The following KCNN3 variants were observed in gnomAD, a reference collection of about 807,000 sequenced individuals.
KCNN3 encodes potassium calcium-activated channel subfamily N member 3.
In KCNN3, 16 loss-of-function variants were observed where a neutral mutation model predicts 62.9. The ratio of observed to expected loss-of-function variants is 0.25; its 90% confidence interval spans 0.17 to 0.39. The LOEUF (loss-of-function observed/expected upper bound fraction) is 0.39, where lower values mean the gene tolerates loss of function less well. Among genes scored for constraint, KCNN3 ranks in the 10% least tolerant of loss-of-function variants. The pLI is 1.00. For missense variants in KCNN3, 599 were observed against 949.4 expected, an observed-to-expected ratio of 0.63 and a Z score of 4.85; for synonymous variants, 370 against 389.2, an observed-to-expected ratio of 0.95 and a Z score of 0.58.
At chr1:154,791,241 A>C (rs1355294920) in intron 2 of KCNN3, among the ~76,000 whole-genome samples, 1 of 151,764 alleles carries the variant, frequency 6.6e-6, no homozygotes, top group Admixed American at 6.6e-5. Flanking sequence ...AAAAAAAAAA[A>C]AAAAACAAGT....
intron 2 of KCNN3, among the ~76,000 whole-genome samples, chr1:154,799,484 G>A (rs1361823757): frequency 6.6e-6 from 1 of 152,182 alleles, no homozygotes; most frequent in Non-Finnish European, 1.5e-5. Flanking sequence ...TCCAAAGAGC[G>A]TAGCCAGAGT....
At chr1:154,744,379 C>T (rs913521118) in intron 3 of KCNN3, among the ~76,000 whole-genome samples, 1 of 152,182 alleles carries the variant, frequency 6.6e-6, no homozygotes, top group African/African-American at 2.4e-5. Flanking sequence ...AGCAACTAAG[C>T]GAAAAGACTG....
At chr1:154,713,396 C>A (rs751938571) in intron 7 of KCNN3, 68 bp downstream of exon 7, 1 of 1,344,176 alleles carries the variant, frequency 7.4e-7, no homozygotes, top group Non-Finnish European at 1.1e-6. Flanking sequence ...AGCCAGGACT[C>A]ACAGGTGAGC....
At chr1:154,780,081 C>T (rs535876051) in intron 2 of KCNN3, among the ~76,000 whole-genome samples, 1 of 152,196 alleles carries the variant, frequency 6.6e-6, no homozygotes, top group African/African-American at 2.4e-5. Context: ...AAGGACACTA[C>T]CCAGTGCCTC....
chr1:154,728,814 GC>G (rs1049475987), intron 4 of KCNN3, among the ~76,000 whole-genome samples: 1 of 152,130 alleles, frequency 6.6e-6, no homozygotes, highest in African/African-American at 2.4e-5. Flanking sequence ...AAAATGATGG[GC>G]TGATGGGATT....
rs1487212689 is a variant in KCNN3 at position 154,706,933 on chromosome 1, C to G, written c.*1043G>C. 1 of 152,210 alleles carries G rather than the reference C, an allele frequency of 6.6e-6. No homozygotes were observed. The highest frequency in any genetic ancestry group is 1.5e-5 in the Non-Finnish European group (1 of 68,036). 9.4% of individuals were successfully genotyped at this position (152,210 alleles called of 1,614,324 possible). ...GCACACACATGCACAATTTCTTGTC[C>G]TCTCCCTCCACACTTACAGACATAC... On this transcript the variant is annotated 3_prime_UTR_variant, in exon 8 of 8. Transcript: ENST00000271915.
At chr1:154,830,602 C>T (rs369565677) in intron 1 of KCNN3, among the ~76,000 whole-genome samples, 5 of 152,178 alleles carry the variant, frequency 3.3e-5, no homozygotes, top group East Asian at 3.8e-4. Context: ...CCAGTGGTCT[C>T]GACACAAAAC....
chr1:154,844,505 C>G (rs941931082), intron 1 of KCNN3, among the ~76,000 whole-genome samples: 91 of 152,204 alleles, frequency 6.0e-4, no homozygotes, highest in African/African-American at 2.0e-3. Flanking sequence ...GGCACTCAGA[C>G]CATGGAGTAG....
intron 1 of KCNN3, chr1:154,859,833 T>G: frequency 6.2e-7 from 1 of 1,607,806 alleles, no homozygotes; most frequent in Non-Finnish European, 8.5e-7. Context: ...TCCTTTAAGC[T>G]GACTTTCCTG....
intron 3 of KCNN3, among the ~76,000 whole-genome samples, chr1:154,752,062 C>T (rs147230254): frequency 4.6e-5 from 7 of 152,124 alleles, no homozygotes; most frequent in African/African-American, 1.2e-4. Context: ...GAAAGTCCTC[C>T]GGGTGTTAAG....
chr1:154,795,134 C>T (rs904019226), intron 2 of KCNN3, among the ~76,000 whole-genome samples: 9 of 152,180 alleles, frequency 5.9e-5, no homozygotes, highest in African/African-American at 9.7e-5. Context: ...GACATCCTAA[C>T]GTGCCCAGGA....
intron 3 of KCNN3, among the ~76,000 whole-genome samples, chr1:154,764,820 G>C (rs1406093875): frequency 6.6e-6 from 1 of 152,114 alleles, no homozygotes; most frequent in Non-Finnish European, 1.5e-5. Context: ...TTTCATGTTT[G>C]CCTGTGTGAA....
intron 5 of KCNN3, among the ~76,000 whole-genome samples, chr1:154,716,426 T>C (rs1289615598): frequency 6.6e-6 from 1 of 152,228 alleles, no homozygotes; most frequent in Non-Finnish European, 1.5e-5. Context: ...AATTAGAGAA[T>C]ATAGACCTGC....
At chr1:154,853,628 T>C (rs1652393084) in intron 1 of KCNN3, among the ~76,000 whole-genome samples, 1 of 152,194 alleles carries the variant, frequency 6.6e-6, no homozygotes, top group Admixed American at 6.5e-5. Context: ...CCACTGCACC[T>C]AGCTCTGAGC....
intron 3 of KCNN3, among the ~76,000 whole-genome samples, chr1:154,752,168 G>A (rs1396743792): frequency 6.6e-6 from 1 of 152,146 alleles, no homozygotes; most frequent in Non-Finnish European, 1.5e-5. Flanking sequence ...CAATGATGAC[G>A]ATGATGATTC....
At chr1:154,848,659 G>A (rs1462218302) in intron 1 of KCNN3, among the ~76,000 whole-genome samples, 2 of 152,144 alleles carry the variant, frequency 1.3e-5, no homozygotes, top group Non-Finnish European at 2.9e-5. Flanking sequence ...AAGAACACAG[G>A]GCACTCTCCA....
Position 154,701,463 on chromosome 1 carries a change from C to T in KCNN3, c.*6513G>A, listed in dbSNP as rs1443526040. The T allele has an allele frequency of 2.6e-5, 4 of 152,124 alleles. No individual in the cohort carries two copies. Among genetic ancestry groups the T allele is most frequent in the African/African-American group, 9.7e-5 (4 of 41,408 alleles). The allele number at this position is 152,124 out of a possible 1,614,324, so 9.4% of individuals were successfully genotyped here. A position where few individuals can be genotyped will look rare whatever the true frequency, so the allele number is the denominator to read the frequency against. On this transcript the variant is annotated 3_prime_UTR_variant, in exon 8 of 8. Transcript: ENST00000271915. ...TTTTCATCTAGAAGTAGTGCCTTAG[C>T]CATATGAAGGAGGGAACTGAGAACT...
chr1:154,769,627 CACTT>C, intron 3 of KCNN3, among the ~76,000 whole-genome samples: 1 of 152,236 alleles, frequency 6.6e-6, no homozygotes, highest in South Asian at 2.1e-4. Flanking sequence ...CTACGAAACT[CACTT>C]GCAGGTACTT....
At chr1:154,716,528 TTG>T (rs1246545017) in intron 5 of KCNN3, among the ~76,000 whole-genome samples, 1 of 152,256 alleles carries the variant, frequency 6.6e-6, no homozygotes, top group African/African-American at 2.4e-5. Flanking sequence ...CTGATAACTT[TTG>T]TGTGTGTATG....
Sources: gnomAD v4.1 joint callset for allele counts (sites outside exome capture counted in the v4.1 genomes callset) on GRCh38, gnomAD v4.1.1 for gene constraint, MANE v1.5 for transcripts, NCBI Gene and HGNC (gene_info 2026-07-23, HGNC 2026-07-21) for gene names.